RPS6KC1: variants seen among roughly 807,000 people sequenced by gnomAD.
RPS6KC1 encodes the protein inactive ribosomal protein S6 kinase delta-1.
Under a neutral mutation model 103.8 loss-of-function variants are expected in RPS6KC1, and 54 were observed. The observed-to-expected ratio is 0.52, with a 90% CI of 0.42 to 0.65. RPS6KC1 has a LOEUF of 0.65. Ranked by LOEUF, RPS6KC1 falls within the 30% of genes least tolerant of loss-of-function variation. The pLI is 0.00. For synonymous variants in RPS6KC1, 439 were observed against 438.7 expected, an observed-to-expected ratio of 1.00 and a Z score of -0.01; for missense variants, 1,151 against 1,253.8, an observed-to-expected ratio of 0.92 and a Z score of 1.24.
At chr1:213,693,322 C>T in the RPS6KC1 span, among the ~76,000 whole-genome samples, 30 of 152,308 alleles carry the variant, frequency 2.0e-4, no homozygotes, top group African/African-American at 6.5e-4. Context: ...GAGAAGCTTT[C>T]GTTGACCATG....
At chr1:213,131,337 C>A (rs2085586810) in intron 6 of RPS6KC1, among the ~76,000 whole-genome samples, 1 of 152,044 alleles carries the variant, frequency 6.6e-6, no homozygotes, top group South Asian at 2.1e-4. Context: ...TATTAGCTAT[C>A]ACTTTTAAGG....
the RPS6KC1 span, among the ~76,000 whole-genome samples, chr1:213,372,107 G>A: frequency 6.6e-6 from 1 of 152,196 alleles, no homozygotes; most frequent in Non-Finnish European, 1.5e-5. Context: ...ACAGGCAGCG[G>A]AAGTGGAAGC....
the RPS6KC1 span, among the ~76,000 whole-genome samples, chr1:213,443,178 C>T: frequency 1.3e-5 from 2 of 152,186 alleles, no homozygotes; most frequent in African/African-American, 4.8e-5. Context: ...AGCTACTTTT[C>T]TACCTTTTCT....
the RPS6KC1 span, among the ~76,000 whole-genome samples, chr1:213,287,494 T>G: frequency 0.017 from 2,646 of 152,314 alleles, 31 homozygotes; most frequent in Non-Finnish European, 0.025. Context: ...CCTTGTGCGG[T>G]GTACAACATG....
the RPS6KC1 span, among the ~76,000 whole-genome samples, chr1:213,428,490 C>CTTCCTTCCTTCCTTCCTTCCTTCT: frequency 1.6e-5 from 1 of 61,852 alleles, no homozygotes; most frequent in African/African-American, 6.7e-5. Flanking sequence ...CCCTTCCTTC[C>CTTCCTTCCTTCCTTCCTTCCTTCT]TTCCTTCCTT....
the RPS6KC1 span, among the ~76,000 whole-genome samples, chr1:213,334,866 A>G: frequency 2.6e-5 from 4 of 152,138 alleles, no homozygotes; most frequent in African/African-American, 9.7e-5. Flanking sequence ...TTACACATCT[A>G]TATGTACATC....
chr1:213,730,936 GT>G, the RPS6KC1 span, among the ~76,000 whole-genome samples: 1 of 152,112 alleles, frequency 6.6e-6, no homozygotes, highest in Admixed American at 6.5e-5. Flanking sequence ...TCCATCTTGA[GT>G]TAATTTTTGT....
At chr1:213,420,134 C>T in the RPS6KC1 span, among the ~76,000 whole-genome samples, 2 of 152,182 alleles carry the variant, frequency 1.3e-5, no homozygotes, top group Non-Finnish European at 2.9e-5. Context: ...TGCTTAATCT[C>T]GCCACTGCGT....
At chr1:213,649,532 C>A in the RPS6KC1 span, among the ~76,000 whole-genome samples, 1 of 152,160 alleles carries the variant, frequency 6.6e-6, no homozygotes, top group African/African-American at 2.4e-5. Context: ...TTCTCCCTTG[C>A]CTACCTGGCA....
chr1:213,281,266 AG>A, the RPS6KC1 span, among the ~76,000 whole-genome samples: 1 of 152,314 alleles, frequency 6.6e-6, no homozygotes, highest in South Asian at 2.1e-4. Flanking sequence ...TTCAAGTGTA[AG>A]GCTCCGAGTA....
the RPS6KC1 span, among the ~76,000 whole-genome samples, chr1:213,432,969 C>T: frequency 6.6e-6 from 1 of 152,240 alleles, no homozygotes; most frequent in African/African-American, 2.4e-5. Context: ...CTATTTCTGT[C>T]ATAACAAATT....
chr1:213,852,652 T>C, the RPS6KC1 span, among the ~76,000 whole-genome samples: 2 of 152,184 alleles, frequency 1.3e-5, no homozygotes, highest in African/African-American at 4.8e-5. Context: ...TGAAAAACCA[T>C]TTTTAAGCAC....
At chr1:213,409,453 G>C in the RPS6KC1 span, among the ~76,000 whole-genome samples, 1 of 152,016 alleles carries the variant, frequency 6.6e-6, no homozygotes, top group Non-Finnish European at 1.5e-5. Context: ...CAAGGACAGG[G>C]GTGTGGAGAC....
At chr1:213,569,081 G>A in the RPS6KC1 span, among the ~76,000 whole-genome samples, 1 of 152,118 alleles carries the variant, frequency 6.6e-6, no homozygotes, top group Admixed American at 6.5e-5. Context: ...TGGGTGGAGT[G>A]GTCAGGGACC....
chr1:213,567,872 GGAA>G, the RPS6KC1 span, among the ~76,000 whole-genome samples: 13 of 152,170 alleles, frequency 8.5e-5, no homozygotes, highest in Non-Finnish European at 7.3e-5. Context: ...CCCTGGCCTG[GGAA>G]AGTTACTCTG....
chr1:213,796,572 G>C, the RPS6KC1 span, among the ~76,000 whole-genome samples: 3 of 152,100 alleles, frequency 2.0e-5, no homozygotes, highest in Admixed American at 6.6e-5. Flanking sequence ...CCTCAATCAT[G>C]TTCACCTTTT....
In RPS6KC1 at chr1:213,189,441, T is replaced by G. The variant is rs577352031; in HGVS notation, c.1044+12949T>G. Among the ~76,000 whole-genome samples, 84 of 118,852 alleles carry G rather than the reference T, an allele frequency of 7.1e-4. 1 individual carries two copies. The East Asian group carries it at 0.019, about 27-fold the overall frequency. 78.0% of individuals were successfully genotyped at this position (118,852 alleles called of 152,430 possible). Reference sequence around the variant, plus strand: ...TCCAGCCTGAGTGACAGAGTGAGCCTTTGTCTCAAAAAAAAAAAAAAAAAA... The same window carrying G: ...TCCAGCCTGAGTGACAGAGTGAGCCGTTGTCTCAAAAAAAAAAAAAAAAAA... On this transcript the variant is annotated intron_variant, in intron 8 of 14. Coordinates refer to ENST00000366960, the MANE Select transcript of RPS6KC1 (RefSeq NM_012424.6).
the RPS6KC1 span, among the ~76,000 whole-genome samples, chr1:213,312,294 C>A: frequency 6.6e-6 from 1 of 152,236 alleles, no homozygotes; most frequent in East Asian, 1.9e-4. Flanking sequence ...TAGCTCTCTT[C>A]TCAGGGGCAC....
intron 8 of RPS6KC1, among the ~76,000 whole-genome samples, chr1:213,194,498 G>A (rs2092865681): frequency 6.6e-6 from 1 of 152,022 alleles, no homozygotes; most frequent in Non-Finnish European, 1.5e-5. Flanking sequence ...GTTACCAGGA[G>A]GCTTGCAAGT....
Sources: gnomAD v4.1 joint callset for allele counts (sites outside exome capture counted in the v4.1 genomes callset) on GRCh38, gnomAD v4.1.1 for gene constraint, MANE v1.5 for transcripts, NCBI Gene and HGNC (gene_info 2026-07-23, HGNC 2026-07-21) for gene names.